Variants in TMPRSS13 observed in about 807,000 individuals in gnomAD.
TMPRSS13 encodes the protein transmembrane serine protease 13.
In TMPRSS13, 50 loss-of-function variants were observed where a neutral mutation model predicts 68.4. The observed-to-expected ratio is 0.73, with a 90% CI of 0.58 to 0.93. The LOEUF is 0.93. Among genes scored for constraint, TMPRSS13 ranks in the 40% least tolerant of loss-of-function variants. The pLI, the probability that TMPRSS13 is intolerant of heterozygous loss-of-function variation, is 0.00. For synonymous variants in TMPRSS13, 267 were observed against 285.8 expected (o/e 0.93, Z 0.66); for missense variants, 615 against 729.2 (o/e 0.84, Z 1.80).
chr11:117,912,593 C>T (rs973099781), intron 5 of TMPRSS13, among the ~76,000 whole-genome samples: 21 of 152,342 alleles, frequency 1.4e-4, no homozygotes, highest in East Asian at 9.6e-4. Context: ...CCCTGCGTGA[C>T]GCCCTGGCAT....
intron 3 of TMPRSS13, among the ~76,000 whole-genome samples, chr11:117,916,357 T>C (rs1416360274): frequency 6.6e-6 from 1 of 152,248 alleles, no homozygotes; most frequent in East Asian, 1.9e-4. Context: ...TGGGCATAAT[T>C]GCTGTCCCAC....
At chr11:117,903,498 A>G (rs1477580555) in intron 12 of TMPRSS13, 157 bp downstream of exon 12, 5 of 1,544,366 alleles carry the variant, frequency 3.2e-6, no homozygotes, top group Admixed American at 2.0e-5. Flanking sequence ...GACAGCTGGG[A>G]TTGACCCCAG....
chr11:117,918,343 G>A, intron 2 of TMPRSS13, 66 bp downstream of exon 2: 2 of 1,559,402 alleles, frequency 1.3e-6, no homozygotes, highest in Non-Finnish European at 8.7e-7. Context: ...CACTGGCTCT[G>A]AGATTTCCTC....
chr11:117,906,007 G>A (rs566802523), intron 9 of TMPRSS13, among the ~76,000 whole-genome samples: 1 of 152,346 alleles, frequency 6.6e-6, no homozygotes, highest in Admixed American at 6.5e-5. Flanking sequence ...AGATGCGTAA[G>A]CCTTGGAAGC....
At position 117,909,852 on chromosome 11, in the gene TMPRSS13, G is replaced by A; in HGVS notation, c.1063C>T (p.Leu355Phe). 1.2e-6 allele frequency: 2 copies of A among 1,613,714 alleles called. No homozygotes were observed. Among genetic ancestry groups the A allele is most frequent in the South Asian group, 1.1e-5 (1 of 91,082 alleles). Residue 355 changes from leucine to phenylalanine, a missense_variant, in exon 8 of 13, where the codon CTC becomes TTC. Physicochemically the swap from Leu to Phe is conservative, Grantham distance 22 (BLOSUM62 0). Coordinates refer to ENST00000524993, the MANE Select transcript of TMPRSS13 (RefSeq NM_001077263.3). Reference sequence around the variant, plus strand: ...GTGAGCACCCACTGGGCGTCAATGAGCGTGCCTCCACAGATGTGGGTGGTG... The same window carrying A: ...GTGAGCACCCACTGGGCGTCAATGAACGTGCCTCCACAGATGTGGGTGGTG... ...FGTTHICGGT[L>F]IDAQWVLTAA...
chr11:117,907,047 C>T (rs147192587), intron 9 of TMPRSS13, among the ~76,000 whole-genome samples: 235 of 152,072 alleles, frequency 1.5e-3, no homozygotes, highest in South Asian at 5.8e-3. Flanking sequence ...GAAAAGCATA[C>T]GCAATGTGAG....
chr11:117,915,596 C>A lies in TMPRSS13; in HGVS notation c.557-1082G>T, dbSNP rs565158260. 4.6e-5 allele frequency among the ~76,000 whole-genome samples: 7 copies of A among 152,168 alleles called. No homozygotes were observed. The highest frequency in any genetic ancestry group is 1.7e-4 in the African/African-American group (7 of 41,434). ...ATGTGTAGTGGAGAGGGTACTGGGC[C>A]GGGTTGGGAGTCAGGAGGCCTGGGC... On this transcript the variant is annotated intron_variant, in intron 3 of 12. Coordinates refer to ENST00000524993, the MANE Select transcript of TMPRSS13 (RefSeq NM_001077263.3). This position sits in a 1 kb window ranked among gnomAD's most constrained non-coding sequence, Gnocchi z 4.9.
intron 1 of TMPRSS13, among the ~76,000 whole-genome samples, chr11:117,924,682 C>A (rs77637745): frequency 0.046 from 7,050 of 152,202 alleles, 240 homozygotes; most frequent in East Asian, 0.18. Context: ...AGCGAGGGCC[C>A]GGCTGGACTG....
chr11:117,902,630 T>C (rs1320227127), intron 12 of TMPRSS13, among the ~76,000 whole-genome samples: 1 of 152,208 alleles, frequency 6.6e-6, no homozygotes, highest in Non-Finnish European at 1.5e-5. Flanking sequence ...ATTCCTGCCG[T>C]GGAGGGAGGC....
At position 117,918,657 on chromosome 11, in the gene TMPRSS13, C is replaced by T. The variant is rs761275160; in HGVS notation, c.203G>A (p.Arg68Gln). 3.9e-5 allele frequency: 62 copies of T among 1,591,788 alleles called. No individual in the cohort carries two copies. Among genetic ancestry groups the T allele is most frequent in the East Asian group, 6.8e-5 (3 of 44,110 alleles). The change falls in exon 2 of 13, where the codon CGG (arginine) becomes CAG (glutamine). Residue 68 changes from arginine (R) to glutamine (Q), a missense_variant. By Grantham distance (43) the Arg-to-Gln change is conservative (BLOSUM62 1). Coordinates refer to ENST00000524993, the MANE Select transcript of TMPRSS13 (RefSeq NM_001077263.3). ...TGGAGATGCCCGGCCTGGAGATGCCCGGCCTGGAGGTGTACCAGCTGGAGA... is the reference window on the plus strand; with the variant it reads ...TGGAGATGCCCGGCCTGGAGATGCCTGGCCTGGAGGTGTACCAGCTGGAGA... ...QASPAGTPPG[R>Q]ASPGRASPAQ...
At position 117,918,497 on chromosome 11, in the gene TMPRSS13, A is replaced by G; in HGVS notation, c.363T>C (p.Leu121=). The G allele has an allele frequency of 3.7e-6, 6 of 1,614,208 alleles. No individual in the cohort carries two copies. The highest frequency in any genetic ancestry group is 5.1e-6 in the Non-Finnish European group (6 of 1,180,014). The change falls in exon 2 of 13, where the codon CTT becomes CTC. Residue 121 remains leucine, a synonymous_variant. Coordinates refer to ENST00000524993, the MANE Select transcript of TMPRSS13 (RefSeq NM_001077263.3). The part of the protein sequence containing the change: ...SVTTSPTRVY[L]VRATPVGAVP... ...CAGCCCCCACTGGTGTTGCTCTAAC[A>G]AGGTACACTCTGGTTGGGGAGGTTG... is the stretch of plus-strand genomic sequence containing the variant.
intron 10 of TMPRSS13, among the ~76,000 whole-genome samples, chr11:117,904,873 ATATATATATATATATATATATAT>A (rs2057448134): frequency 1.7e-4 from 2 of 11,470 alleles, no homozygotes; most frequent in Admixed American, 2.0e-3. Flanking sequence ...ATATATATAT[ATATATATATATATATATATATAT>A]ATATATATTC....
intron 1 of TMPRSS13, among the ~76,000 whole-genome samples, chr11:117,925,628 C>A (rs1014422358): frequency 6.6e-6 from 1 of 152,060 alleles, no homozygotes; most frequent in Non-Finnish European, 1.5e-5. Flanking sequence ...GAAACCAACC[C>A]CCATCTGGTG....
chr11:117,902,182 C>A lies in TMPRSS13; in HGVS notation c.*57G>T. 2 of 1,603,720 alleles carry A rather than the reference C, an allele frequency of 1.2e-6. No individual in the cohort carries two copies. The highest frequency in any genetic ancestry group is 3.3e-4 in the Middle Eastern group (2 of 5,976). On this transcript the variant is annotated 3_prime_UTR_variant, in exon 13 of 13. Transcript: ENST00000524993. ...CCAGATGATGCCACACATGGCCAGT[C>A]ACCATGGCCAGAGTCTTCACAGCAG... is the stretch of plus-strand genomic sequence containing the variant.
In TMPRSS13 at chr11:117,914,719, C is replaced by G. The variant is rs1356236301; in HGVS notation, c.557-205G>C. Among the ~76,000 whole-genome samples the G allele has an allele frequency of 1.3e-5, 2 of 152,078 alleles. No homozygotes were observed. Among genetic ancestry groups the G allele is most frequent in the Non-Finnish European group, 2.9e-5 (2 of 68,018 alleles). On this transcript the variant is annotated intron_variant, in intron 3 of 12. Coordinates refer to ENST00000524993, the MANE Select transcript of TMPRSS13 (RefSeq NM_001077263.3). This position sits in a 1 kb window ranked among gnomAD's most constrained non-coding sequence, Gnocchi z 4.2. ...AAAGCTCCTGCAAGCAGGGCAGCACCAGGCAGATTCAAGCAGCCAGCCACC... is the reference window on the plus strand; with the variant it reads ...AAAGCTCCTGCAAGCAGGGCAGCACGAGGCAGATTCAAGCAGCCAGCCACC...
Position 117,903,667 on chromosome 11 carries a change from G to A in TMPRSS13, c.1665C>T (p.Tyr555=), listed in dbSNP as rs755506932. 8 of 1,614,182 alleles carry A rather than the reference G, an allele frequency of 5.0e-6. No individual in the cohort carries two copies. ...TKVTEVLPWI[Y]SKMESEVRFR... The stretch of plus-strand genomic sequence containing the variant: ...GCAGGGATCTTACCTCCATCTTGCT[G>A]TAAATCCAGGGAAGAACTTCTGTCA... The change falls in exon 12 of 13, where the codon TAC becomes TAT. Residue 555 remains tyrosine, a synonymous_variant. Coordinates refer to ENST00000524993, the MANE Select transcript of TMPRSS13 (RefSeq NM_001077263.3).
chr11:117,909,720 C>A, intron 8 of TMPRSS13, 86 bp downstream of exon 8: 2 of 1,480,000 alleles, frequency 1.4e-6, no homozygotes, highest in Non-Finnish European at 1.8e-6. Context: ...GAATCCTCCT[C>A]CACGAAGAAG....
intron 1 of TMPRSS13, 21 bp downstream of exon 1, chr11:117,929,266 G>C (rs373870957): frequency 3.8e-6 from 6 of 1,595,978 alleles, no homozygotes; most frequent in Non-Finnish European, 5.1e-6. Context: ...AATCTGGCCC[G>C]AGGCCTGAGG....
At chr11:117,916,020 C>T (rs747811759) in intron 3 of TMPRSS13, among the ~76,000 whole-genome samples, 3 of 152,326 alleles carry the variant, frequency 2.0e-5, no homozygotes, top group Non-Finnish European at 4.4e-5. Context: ...GAGCCAGGGT[C>T]TGTGTGGCAC....
Sources: allele counts gnomAD v4.1 joint callset (sites outside exome capture counted in the v4.1 genomes callset), GRCh38; gene constraint gnomAD v4.1.1; non-coding constraint Gnocchi (gnomAD v3.1); transcripts MANE v1.5; gene names NCBI Gene and HGNC (gene_info 2026-07-23, HGNC 2026-07-21).